Variants in ART4 observed in about 807,000 individuals in gnomAD.
ART4 encodes ADP-ribosyltransferase 4 (inactive) (Dombrock blood group).
In ART4, 14 loss-of-function variants were observed where a neutral mutation model predicts 24.2. That is an observed-to-expected ratio of 0.58 (90% CI 0.38 to 0.90). The LOEUF is 0.90. ART4 is among the 40% of genes least tolerant of loss of function. ART4 has a pLI of 0.00. For missense variants in ART4, 356 were observed against 366.6 expected, an observed-to-expected ratio of 0.97 and a Z score of 0.24; for synonymous variants, 145 against 139.9, an observed-to-expected ratio of 1.04 and a Z score of -0.26.
chr12:14,841,599 A>G (rs1863053400), intron 1 of ART4, among the ~76,000 whole-genome samples: 1 of 152,186 alleles, frequency 6.6e-6, no homozygotes, highest in South Asian at 2.1e-4. Flanking sequence ...TCCTTAAGCT[A>G]TGAATAGTAC....
In ART4 at chr12:14,829,247, GT is replaced by G; in HGVS notation, c.*123del. 3 of 648,704 alleles carry G rather than the reference GT, an allele frequency of 4.6e-6. No homozygotes were observed. The highest frequency in any genetic ancestry group is 7.4e-6 in the Non-Finnish European group (3 of 405,666). The allele number at this position is 648,704 out of a possible 1,614,324, so 40.2% of individuals were successfully genotyped here. ...TTAGCAAAGAGGAGGCCATGCACTG[GT>G]TTCAGCAGAAGTATGATGGGATCAT... On this transcript the variant is annotated 3_prime_UTR_variant, in exon 3 of 3. Coordinates refer to ENST00000228936, the MANE Select transcript of ART4 (RefSeq NM_021071.4).
At chr12:14,840,402 G>A (rs1246445638) in intron 2 of ART4, 43 bp downstream of exon 2, 1 of 1,486,708 alleles carries the variant, frequency 6.7e-7, no homozygotes, top group East Asian at 2.3e-5. Context: ...TAAAAGAGCA[G>A]TGGTCTGTGA....
intron 1 of ART4, 101 bp from the exon 2 acceptor site, chr12:14,841,254 C>G: frequency 9.6e-7 from 1 of 1,039,738 alleles, no homozygotes; most frequent in Non-Finnish European, 1.4e-6. Context: ...CTCCTGGAAA[C>G]CAATATTTAC....
chr12:14,842,953 C>A lies in ART4; in HGVS notation c.144+17G>T. 1 of 1,604,686 alleles carries A rather than the reference C, an allele frequency of 6.2e-7. No homozygotes were observed. The highest frequency in any genetic ancestry group is 2.2e-5 in the East Asian group (1 of 44,624). ...GCACTGATCATAAAGAGATCACCCCCTCAATTGTCCCCCTACCTCAGAACC... is the reference window on the plus strand; with the variant it reads ...GCACTGATCATAAAGAGATCACCCCATCAATTGTCCCCCTACCTCAGAACC... On this transcript the variant is annotated intron_variant, in intron 1 of 2. Coordinates refer to ENST00000228936, the MANE Select transcript of ART4 (RefSeq NM_021071.4).
At chr12:14,840,186 G>C (rs1039149679) in intron 2 of ART4, among the ~76,000 whole-genome samples, 2 of 152,172 alleles carry the variant, frequency 1.3e-5, no homozygotes, top group African/African-American at 4.8e-5. Flanking sequence ...CCACCTTCCA[G>C]TCAAGCTTTA....
chr12:14,839,111 T>C (rs1319011121), intron 2 of ART4, among the ~76,000 whole-genome samples: 1 of 152,206 alleles, frequency 6.6e-6, no homozygotes, highest in Non-Finnish European at 1.5e-5. Flanking sequence ...GTTGACCAAA[T>C]TGATTTCTAC....
intron 1 of ART4, among the ~76,000 whole-genome samples, chr12:14,841,920 A>C (rs549328433): frequency 2.0e-5 from 3 of 152,314 alleles, no homozygotes; most frequent in Non-Finnish European, 4.4e-5. Context: ...AGCCAAACTC[A>C]GCACACCCAG....
chr12:14,843,106 G>A lies in ART4; in HGVS notation c.8C>T (p.Pro3Leu). 6.2e-7 allele frequency: 1 copy of A among 1,614,074 alleles called. No homozygotes were observed. Among genetic ancestry groups the A allele is most frequent in the East Asian group, 2.2e-5 (1 of 44,878 alleles). Residue 3 changes from proline (P) to leucine (L), a missense_variant, in exon 1 of 3, where the codon CCA (proline) becomes CTA (leucine). Transcript: ENST00000228936. Reference protein sequence around the residue: MGPLINRCKKILL... With the variant: MGLLINRCKKILL... The stretch of plus-strand genomic sequence containing the variant: ...AATCTTCTTGCATCTGTTGATCAAT[G>A]GACCCATTTGCTTGTGTCACAAGTA...
rs559533402 is a variant in ART4 at position 14,830,021 on chromosome 12, A to G, written c.854-559T>C. 9.2e-5 allele frequency among the ~76,000 whole-genome samples: 14 copies of G among 152,198 alleles called. No homozygotes were observed. The East Asian group carries it at 2.1e-3, about 23-fold the overall frequency. ...CTTGGCCAGTTTGTCTCAATTCTGC[A>G]TTCTTAACCACTAACCTGTTTGTCT... is the stretch of plus-strand genomic sequence containing the variant. On this transcript the variant is annotated intron_variant, in intron 2 of 2. Transcript: ENST00000228936.
At chr12:14,835,585 T>C (rs527748317) in intron 2 of ART4, among the ~76,000 whole-genome samples, 19 of 151,412 alleles carry the variant, frequency 1.3e-4, no homozygotes, top group African/African-American at 3.6e-4. Context: ...AGCGAATAAC[T>C]GAAAACATTC....
At chr12:14,829,483 G>A in intron 2 of ART4, 21 bp from the exon 3 acceptor site, 1 of 1,579,556 alleles carries the variant, frequency 6.3e-7, no homozygotes. Flanking sequence ...CAAAACAAAG[G>A]AAATATTTTA....
intron 2 of ART4, among the ~76,000 whole-genome samples, chr12:14,833,576 G>A (rs997299797): frequency 5.3e-5 from 8 of 152,126 alleles, no homozygotes; most frequent in South Asian, 2.1e-4. Flanking sequence ...GTGTCCAAGC[G>A]TTTTGTAAAC....
At chr12:14,837,740 C>A (rs961024795) in intron 2 of ART4, among the ~76,000 whole-genome samples, 4 of 152,142 alleles carry the variant, frequency 2.6e-5, no homozygotes, top group Admixed American at 2.0e-4. Context: ...GTCTCAAACT[C>A]CTGGCCTCAA....
chr12:14,840,276 G>T, intron 2 of ART4, 169 bp downstream of exon 2: 1 of 589,768 alleles, frequency 1.7e-6, no homozygotes, highest in East Asian at 2.9e-5. Context: ...AGGAAGAAAA[G>T]AGAAGTCAAT....
chr12:14,837,578 A>G (rs941466688), intron 2 of ART4, among the ~76,000 whole-genome samples: 5 of 152,088 alleles, frequency 3.3e-5, no homozygotes, highest in African/African-American at 1.2e-4. Flanking sequence ...CAGTGGCATG[A>G]TTTCAGCTTA....
At chr12:14,841,794 G>T (rs1423084957) in intron 1 of ART4, among the ~76,000 whole-genome samples, 1 of 152,222 alleles carries the variant, frequency 6.6e-6, no homozygotes, top group African/African-American at 2.4e-5. Context: ...GAATGGGACC[G>T]ACTCGTTTGC....
Position 14,840,445 on chromosome 12 carries a change from C to T in ART4, c.853G>A (p.Ala285Thr), listed in dbSNP as rs774058853. 7.2e-5 allele frequency: 115 copies of T among 1,600,152 alleles called. No homozygotes were observed. Among genetic ancestry groups the T allele is most frequent in the Middle Eastern group, 1.7e-4 (1 of 5,874 alleles). ...LSTYNCQLLK[A>T]SSKKCIPDPI... ...TGGCCTCAATTTAGATAAAGAATAC[C>T]TTTTAGCAGCTGACAGTTATATGTG... Residue 285 changes from alanine to threonine, a missense_variant and splice_region_variant, in exon 2 of 3, where the codon GCT becomes ACT. Physicochemically the swap from Ala to Thr is moderately conservative, Grantham distance 58. Coordinates refer to ENST00000228936, the MANE Select transcript of ART4 (RefSeq NM_021071.4).
At chr12:14,833,897 G>T (rs1950412178) in intron 2 of ART4, among the ~76,000 whole-genome samples, 1 of 152,170 alleles carries the variant, frequency 6.6e-6, no homozygotes, top group Non-Finnish European at 1.5e-5. Flanking sequence ...ACCCGAAAAT[G>T]AAAAGCGTTA....
At chr12:14,840,385 A>G in intron 2 of ART4, 60 bp downstream of exon 2, 1 of 1,412,258 alleles carries the variant, frequency 7.1e-7, no homozygotes, top group Non-Finnish European at 9.6e-7. Flanking sequence ...AGAAAAAATA[A>G]CTTTTATAAA....
Sources: gnomAD v4.1 joint callset for allele counts (sites outside exome capture counted in the v4.1 genomes callset) on GRCh38, gnomAD v4.1.1 for gene constraint, MANE v1.5 for transcripts, NCBI Gene and HGNC (gene_info 2026-07-23, HGNC 2026-07-21) for gene names.